The following WWC1 variants were observed in gnomAD, a reference collection of about 807,000 sequenced individuals.
The protein encoded by WWC1 is WW and C2 domain containing 1, also known as protein KIBRA.
In WWC1, 55 loss-of-function variants were observed where a neutral mutation model predicts 138.4. The observed-to-expected ratio is 0.40, with a 90% CI of 0.32 to 0.50. The LOEUF is 0.50. WWC1 is among the 20% of genes least tolerant of loss of function. WWC1 has a pLI of 0.72. For missense variants in WWC1, 1,226 were observed against 1,420.4 expected (o/e 0.86, Z 2.20); for synonymous variants, 524 against 564.9 (o/e 0.93, Z 1.03).
chr5:168,451,568 G>A (rs527453618), intron 17 of WWC1, among the ~76,000 whole-genome samples: 91 of 152,210 alleles, frequency 6.0e-4, no homozygotes, highest in Non-Finnish European at 9.3e-4. Context: ...GGGCATGGTG[G>A]CACGTGCCTG....
At chr5:168,400,065 C>T (rs137995322) in intron 5 of WWC1, among the ~76,000 whole-genome samples, 43 of 151,884 alleles carry the variant, frequency 2.8e-4, no homozygotes, top group African/African-American at 8.9e-4. Flanking sequence ...GCATTGTGCT[C>T]TATGGGTGAC....
chr5:168,377,644 G>T (rs1016792446), intron 2 of WWC1, among the ~76,000 whole-genome samples: 3 of 152,162 alleles, frequency 2.0e-5, no homozygotes, highest in Admixed American at 6.5e-5. Flanking sequence ...CTTCTCAAAA[G>T]AAGACATAAA....
chr5:168,372,981 A>G (rs1776871640), intron 2 of WWC1, among the ~76,000 whole-genome samples: 1 of 152,258 alleles, frequency 6.6e-6, no homozygotes, highest in Non-Finnish European at 1.5e-5. Flanking sequence ...TGTTGGCACC[A>G]AAGTGTAGAA....
intron 1 of WWC1, among the ~76,000 whole-genome samples, chr5:168,323,565 G>A (rs1772299249): frequency 6.6e-6 from 1 of 151,694 alleles, no homozygotes; most frequent in African/African-American, 2.4e-5. Flanking sequence ...AAAATAAAAA[G>A]TACCCAAGCT....
intron 15 of WWC1, among the ~76,000 whole-genome samples, chr5:168,441,425 A>T (rs9313415): frequency 0.21 from 32,098 of 151,968 alleles, 3,740 homozygotes; most frequent in East Asian, 0.4. Flanking sequence ...TTTTTTTATC[A>T]CAGTTTTTTT....
intron 14 of WWC1, among the ~76,000 whole-genome samples, chr5:168,430,740 A>G (rs1431960434): frequency 6.6e-6 from 1 of 152,180 alleles, no homozygotes; most frequent in Non-Finnish European, 1.5e-5. Context: ...GGCTCCTCCC[A>G]TGGTAGATGG....
At chr5:168,458,547 A>G (rs1370338521) in intron 19 of WWC1, among the ~76,000 whole-genome samples, 1 of 152,126 alleles carries the variant, frequency 6.6e-6, no homozygotes, top group African/African-American at 2.4e-5. Flanking sequence ...GGGACAATGA[A>G]TTACCCTTCC....
At chr5:168,373,018 T>C (rs1337552191) in intron 2 of WWC1, among the ~76,000 whole-genome samples, 1 of 152,224 alleles carries the variant, frequency 6.6e-6, no homozygotes, top group African/African-American at 2.4e-5. Context: ...GCTAATGGCA[T>C]TAATTGCATT....
chr5:168,313,251 G>A (rs1771275039), intron 1 of WWC1, among the ~76,000 whole-genome samples: 1 of 152,152 alleles, frequency 6.6e-6, no homozygotes, highest in African/African-American at 2.4e-5. Context: ...TACTTGAAGT[G>A]TGGGCCGTGG....
Position 168,423,991 on chromosome 5 carries a change from A to G in WWC1, c.1733A>G (p.Glu578Gly). The G allele has an allele frequency of 6.2e-7, 1 of 1,614,038 alleles. No individual in the cohort carries two copies. Among genetic ancestry groups the G allele is most frequent in the Non-Finnish European group, 8.5e-7 (1 of 1,180,002 alleles). ...CCGGAGCTGAGTGCCACTCTTTGTG[A>G]ACTGAGCCTTGGTAACAGCGCCCAG... ...EDPELSATLC[E>G]LSLGNSAQER... Residue 578 changes from glutamate (E) to glycine (G), a missense_variant, in exon 11 of 23, where the codon GAA (glutamate) becomes GGA (glycine). This residue lies in a region of WWC1 where 1,016 missense variants were observed against 1,153.9 expected (regional missense o/e 0.88). Transcript: ENST00000265293.
intron 1 of WWC1, among the ~76,000 whole-genome samples, chr5:168,315,895 A>G (rs1347434010): frequency 6.6e-6 from 1 of 152,156 alleles, no homozygotes; most frequent in Non-Finnish European, 1.5e-5. Flanking sequence ...GGCACAGCCC[A>G]CCTGTTTGGG....
At chr5:168,449,491 AT>A in intron 17 of WWC1, among the ~76,000 whole-genome samples, 1 of 152,108 alleles carries the variant, frequency 6.6e-6, no homozygotes, top group East Asian at 1.9e-4. Context: ...CCCTCAATAA[AT>A]ACTGGTCAAT....
At chr5:168,450,328 A>C (rs1283905102) in intron 17 of WWC1, among the ~76,000 whole-genome samples, 1 of 152,140 alleles carries the variant, frequency 6.6e-6, no homozygotes, top group African/African-American at 2.4e-5. Context: ...GAACAATTAG[A>C]TATTCATATG....
chr5:168,356,309 G>A (rs752961736), intron 1 of WWC1, among the ~76,000 whole-genome samples: 2 of 152,280 alleles, frequency 1.3e-5, no homozygotes, highest in African/African-American at 4.8e-5. Flanking sequence ...GGAACATGCC[G>A]ATGCGGCCGG....
chr5:168,347,712 G>A (rs919080928), intron 1 of WWC1, among the ~76,000 whole-genome samples: 3 of 152,102 alleles, frequency 2.0e-5, no homozygotes, highest in African/African-American at 7.2e-5. Context: ...ATTAGCCCGA[G>A]TGAAATTGGA....
At chr5:168,424,481 G>A (rs1012864936) in intron 11 of WWC1, among the ~76,000 whole-genome samples, 1 of 152,222 alleles carries the variant, frequency 6.6e-6, no homozygotes, top group African/African-American at 2.4e-5. Flanking sequence ...GAATAAACCT[G>A]CAACCAAACA....
intron 1 of WWC1, among the ~76,000 whole-genome samples, chr5:168,304,633 T>A (rs963673582): frequency 6.6e-6 from 1 of 152,118 alleles, no homozygotes; most frequent in Admixed American, 6.5e-5. Context: ...GGGGTACAGC[T>A]CAGCAATCTG....
At chr5:168,310,280 C>T (rs1427226243) in intron 1 of WWC1, among the ~76,000 whole-genome samples, 2 of 151,844 alleles carry the variant, frequency 1.3e-5, no homozygotes, top group Non-Finnish European at 2.9e-5. Flanking sequence ...AAGAAATTTC[C>T]ATATACCCTT....
At chr5:168,365,228 G>A (rs1303921066) in intron 1 of WWC1, among the ~76,000 whole-genome samples, 1 of 152,162 alleles carries the variant, frequency 6.6e-6, no homozygotes, top group Non-Finnish European at 1.5e-5. Flanking sequence ...CCCAGGGCGG[G>A]AAGAACCAGC....
Sources: allele counts gnomAD v4.1 joint callset (sites outside exome capture counted in the v4.1 genomes callset), GRCh38; gene constraint gnomAD v4.1.1; regional missense constraint gnomAD v4.1.1; transcripts MANE v1.5; gene names NCBI Gene and HGNC (gene_info 2026-07-23, HGNC 2026-07-21).